Variants in IGSF11 observed in about 807,000 individuals in gnomAD.
The protein encoded by IGSF11 is CXADR like 1.
IGSF11 carries 22 observed loss-of-function variants against 41.0 expected under a neutral mutation model. That is an observed-to-expected ratio of 0.54 (90% CI 0.38 to 0.77). IGSF11 has a LOEUF of 0.77. Among genes scored for constraint, IGSF11 ranks in the 30% least tolerant of loss-of-function variants. The pLI, the probability that IGSF11 is intolerant of heterozygous loss-of-function variation, is 0.00. For synonymous variants in IGSF11, 219 were observed against 201.3 expected, an observed-to-expected ratio of 1.09 and a Z score of -0.74; for missense variants, 444 against 530.8, an observed-to-expected ratio of 0.84 and a Z score of 1.61.
intron 1 of IGSF11, among the ~76,000 whole-genome samples, chr3:119,117,602 C>T (rs558085046): frequency 8.2e-4 from 125 of 152,130 alleles, no homozygotes; most frequent in Non-Finnish European, 1.1e-3. Context: ...TATAATTGTG[C>T]CCCTGGTCCC....
intron 1 of IGSF11, among the ~76,000 whole-genome samples, chr3:119,134,056 A>G: frequency 6.6e-6 from 1 of 152,190 alleles, no homozygotes; most frequent in Non-Finnish European, 1.5e-5. Flanking sequence ...GTATTGATGG[A>G]ACACATCTCA....
intron 1 of IGSF11, among the ~76,000 whole-genome samples, chr3:118,934,356 T>G (rs1943084509): frequency 6.6e-6 from 1 of 152,160 alleles, no homozygotes; most frequent in Non-Finnish European, 1.5e-5. Flanking sequence ...TCAGTGATGT[T>G]AATATAATTC....
chr3:119,004,092 C>A (rs867511378), intron 1 of IGSF11, among the ~76,000 whole-genome samples: 1 of 150,236 alleles, frequency 6.7e-6, no homozygotes, highest in South Asian at 2.1e-4. Context: ...CCATCTGGTC[C>A]TGGACTCTTT....
At chr3:119,123,135 C>A (rs1048555655) in intron 1 of IGSF11, among the ~76,000 whole-genome samples, 5 of 152,128 alleles carry the variant, frequency 3.3e-5, no homozygotes, top group Admixed American at 6.5e-5. Context: ...AAAGTGAGTC[C>A]CAGCCTGGCA....
intron 3 of IGSF11, among the ~76,000 whole-genome samples, chr3:118,928,292 C>A (rs965232828): frequency 1.3e-5 from 2 of 151,998 alleles, no homozygotes; most frequent in East Asian, 1.9e-4. Context: ...AGAAGAAAGT[C>A]ATTAAATAAG....
chr3:118,964,472 G>T (rs1945541292), intron 1 of IGSF11, among the ~76,000 whole-genome samples: 1 of 152,066 alleles, frequency 6.6e-6, no homozygotes, highest in African/African-American at 2.4e-5. Context: ...GAAAACACTA[G>T]CTTAAGGTAA....
intron 1 of IGSF11, among the ~76,000 whole-genome samples, chr3:119,070,262 C>T (rs188716233): frequency 1.7e-4 from 26 of 152,226 alleles, no homozygotes; most frequent in East Asian, 3.9e-4. Context: ...CAAAAATAAA[C>T]GAATCTTCAA....
At chr3:119,051,099 A>T (rs183386058) in intron 1 of IGSF11, among the ~76,000 whole-genome samples, 2 of 152,018 alleles carry the variant, frequency 1.3e-5, no homozygotes, top group Admixed American at 1.3e-4. Context: ...ATACATATGT[A>T]ACTAACGTGC....
intron 1 of IGSF11, among the ~76,000 whole-genome samples, chr3:119,007,432 C>T (rs1937577849): frequency 6.6e-6 from 1 of 151,658 alleles, no homozygotes; most frequent in African/African-American, 2.4e-5. Context: ...TTCTGCGTCG[C>T]TCACGCTGGG....
intron 1 of IGSF11, among the ~76,000 whole-genome samples, chr3:118,942,073 C>T (rs889750176): frequency 4.6e-5 from 7 of 152,100 alleles, no homozygotes; most frequent in East Asian, 1.9e-4. Flanking sequence ...GAACACAAGA[C>T]GAGACATTTG....
At chr3:119,116,511 A>C (rs1286800446) in intron 1 of IGSF11, among the ~76,000 whole-genome samples, 3 of 152,182 alleles carry the variant, frequency 2.0e-5, no homozygotes, top group South Asian at 4.1e-4. Context: ...ATTACAGTAA[A>C]CTAAGCTAAG....
rs1052328334 is a variant in IGSF11, at chr3:119,070,681, AT to A, written c.49+34462del. Among the ~76,000 whole-genome samples, 5 of 151,658 alleles carry A rather than the reference AT, an allele frequency of 3.3e-5. No individual in the cohort carries two copies. The East Asian group carries it at 5.8e-4, about 18-fold the overall frequency. The stretch of plus-strand genomic sequence containing the variant: ...TTTGGTTTGGGTTTTGGGGTTTTGA[AT>A]TTTTTTTCCTAAATGAATACAGATA... On this transcript the variant is annotated intron_variant, in intron 1 of 6. Transcript: ENST00000354673.
rs1043746870 is a variant in IGSF11, at chr3:119,079,418, G to T, written c.49+25726C>A. The stretch of plus-strand genomic sequence containing the variant: ...GGTGAAATTGCAGAGAAAAAGGAAT[G>T]CTTATACTCTGTTGATGGGAATGTA... On this transcript the variant is annotated intron_variant, in intron 1 of 6. Transcript: ENST00000354673. Among the ~76,000 whole-genome samples the T allele has an allele frequency of 3.3e-5, 5 of 152,226 alleles. 1 individual carries two copies. Among genetic ancestry groups the T allele is most frequent in the East Asian group, 3.9e-4 (2 of 5,184 alleles).
intron 1 of IGSF11, among the ~76,000 whole-genome samples, chr3:118,986,740 A>G (rs974751678): frequency 2.0e-5 from 3 of 152,226 alleles, no homozygotes; most frequent in Non-Finnish European, 4.4e-5. Flanking sequence ...ATATTGAAAT[A>G]TAGGTTTTAC....
chr3:119,007,734 G>A (rs1037787982), intron 1 of IGSF11, among the ~76,000 whole-genome samples: 2 of 151,944 alleles, frequency 1.3e-5, no homozygotes, highest in Non-Finnish European at 2.9e-5. Flanking sequence ...CCTACAACTC[G>A]ACATTTCAAG....
chr3:118,958,460 G>A (rs2107596400), intron 1 of IGSF11, among the ~76,000 whole-genome samples: 1 of 152,168 alleles, frequency 6.6e-6, no homozygotes, highest in South Asian at 2.1e-4. Flanking sequence ...ATGCTTATAT[G>A]AGGACTATGG....
chr3:119,030,189 T>C lies in IGSF11; in HGVS notation c.52+4342A>G, dbSNP rs567882619. ...TGCTAAATGAAAACAAACCAGTAAGTAGACTTTTTCAAGTAACTTTTTATT... is the reference window on the plus strand; with the variant it reads ...TGCTAAATGAAAACAAACCAGTAAGCAGACTTTTTCAAGTAACTTTTTATT... On this transcript the variant is annotated intron_variant, in intron 1 of 6. Transcript: ENST00000393775. 2.6e-5 allele frequency among the ~76,000 whole-genome samples: 4 copies of C among 152,310 alleles called. No individual in the cohort carries two copies. In the East Asian group the frequency reaches 7.7e-4, roughly 29 times the overall value.
chr3:119,034,544 G>C lies in IGSF11; in HGVS notation c.39C>G (p.Leu13=). The change falls in exon 1 of 7, where the codon CTC becomes CTG. Residue 13 remains leucine (L), a synonymous_variant. Coordinates refer to ENST00000393775, the MANE Select transcript of IGSF11 (RefSeq NM_001015887.3). ...GGAGCTACTCACCGTGCAGAGAGAG[G>C]AGCAGCAAAGGCGCCAGAGGGGAAC... ...SQRSPLAPLL[L]LSLHGVAASL... 6.3e-7 allele frequency: 1 copy of C among 1,592,714 alleles called. No individual in the cohort carries two copies. The highest frequency in any genetic ancestry group is 8.5e-7 in the Non-Finnish European group (1 of 1,170,596).
chr3:118,968,490 C>T (rs1932971253), intron 1 of IGSF11, among the ~76,000 whole-genome samples: 1 of 152,098 alleles, frequency 6.6e-6, no homozygotes, highest in African/African-American at 2.4e-5. Context: ...AAGTCCAGAA[C>T]AGGGAAGGAA....
Sources: gnomAD v4.1 joint callset for allele counts (sites outside exome capture counted in the v4.1 genomes callset) on GRCh38, gnomAD v4.1.1 for gene constraint, MANE v1.5 for transcripts, NCBI Gene and HGNC (gene_info 2026-07-23, HGNC 2026-07-21) for gene names.